TRMT1L: variants seen among roughly 807,000 people sequenced by gnomAD.
The protein encoded by TRMT1L is tRNA (guanine(27)-N(2))-dimethyltransferase.
In TRMT1L, 28 loss-of-function variants were observed where a neutral mutation model predicts 81.6. That is an observed-to-expected ratio of 0.34 (90% CI 0.25 to 0.47). TRMT1L has a LOEUF of 0.47. Ranked by LOEUF, TRMT1L falls within the 20% of genes least tolerant of loss-of-function variation. TRMT1L has a pLI of 1.00. For missense variants in TRMT1L, 739 were observed against 877.1 expected (o/e 0.84, Z 1.99); for synonymous variants, 301 against 303.2 (o/e 0.99, Z 0.07).
chr1:185,132,871 G>GAA, intron 10 of TRMT1L, among the ~76,000 whole-genome samples: 1 of 152,270 alleles, frequency 6.6e-6, no homozygotes, highest in Non-Finnish European at 1.5e-5. Context: ...AGTAAACAAG[G>GAA]AAAGTGGGAA....
At chr1:185,130,414 C>T (rs1226073032) in intron 10 of TRMT1L, among the ~76,000 whole-genome samples, 3 of 151,934 alleles carry the variant, frequency 2.0e-5, no homozygotes, top group African/African-American at 7.3e-5. Context: ...ATGAGAGATG[C>T]CAATAAAATT....
intron 8 of TRMT1L, 60 bp downstream of exon 8, chr1:185,139,913 C>A: frequency 6.5e-7 from 1 of 1,532,364 alleles, no homozygotes; most frequent in East Asian, 2.3e-5. Context: ...TTTAACTACT[C>A]CTCGTCCCCA....
At chr1:185,152,640 T>A (rs748143667) in intron 1 of TRMT1L, among the ~76,000 whole-genome samples, 1 of 151,752 alleles carries the variant, frequency 6.6e-6, no homozygotes, top group Non-Finnish European at 1.5e-5. Flanking sequence ...AAATTAGCAA[T>A]GGGAAGGGAC....
At chr1:185,153,711 G>T (rs943352257) in intron 1 of TRMT1L, among the ~76,000 whole-genome samples, 6 of 152,032 alleles carry the variant, frequency 3.9e-5, no homozygotes, top group Non-Finnish European at 8.8e-5. Context: ...CATTCCAAGA[G>T]AAAGGAACAA....
chr1:185,150,356 T>C (rs1365731474), intron 3 of TRMT1L, 23 bp downstream of exon 3: 1 of 1,540,982 alleles, frequency 6.5e-7, no homozygotes, highest in Non-Finnish European at 8.9e-7. Flanking sequence ...ATATTACTTC[T>C]TTGCAAGCAC....
At chr1:185,133,384 T>C (rs1020695722) in intron 10 of TRMT1L, among the ~76,000 whole-genome samples, 1 of 152,094 alleles carries the variant, frequency 6.6e-6, no homozygotes, top group Non-Finnish European at 1.5e-5. Flanking sequence ...ATCTGTACTG[T>C]AGCAGCCTTC....
At chr1:185,151,758 T>C in intron 2 of TRMT1L, 67 bp downstream of exon 2, 1 of 1,064,040 alleles carries the variant, frequency 9.4e-7, no homozygotes, top group Non-Finnish European at 1.3e-6. Flanking sequence ...CAAACTTATT[T>C]TTGTGAATTG....
intron 3 of TRMT1L, among the ~76,000 whole-genome samples, chr1:185,149,478 CT>C (rs958453943): frequency 1.3e-5 from 2 of 151,684 alleles, no homozygotes; most frequent in African/African-American, 4.8e-5. Context: ...AATTTTTTCA[CT>C]TTTTTATAGA....
At chr1:185,130,443 T>C (rs192450416) in intron 10 of TRMT1L, among the ~76,000 whole-genome samples, 97 of 152,244 alleles carry the variant, frequency 6.4e-4, no homozygotes, top group African/African-American at 2.3e-3. Flanking sequence ...AGGAGTCACA[T>C]ACACAATGGG....
In TRMT1L at chr1:185,151,827, G is replaced by A; in HGVS notation, c.344C>T (p.Ala115Val). Reference sequence around the variant, plus strand: ...AAAAAACCCAAACATGGAAATACCTGCATCAAGATTATCTGAGTTCAATGA... The same window carrying A: ...AAAAAACCCAAACATGGAAATACCTACATCAAGATTATCTGAGTTCAATGA... ...ASSLNSDNLD[A>V]GNRQACPLCP... The change falls in exon 2 of 15, where the codon GCA (alanine) becomes GTA (valine). Residue 115 changes from alanine (A) to valine (V), a missense_variant and splice_region_variant. Ala to Val is a moderately conservative substitution (Grantham distance 64). Transcript: ENST00000367506. 6.5e-7 allele frequency: 1 copy of A among 1,549,734 alleles called. No individual in the cohort carries two copies. The highest frequency in any genetic ancestry group is 8.7e-7 in the Non-Finnish European group (1 of 1,152,960).
intron 8 of TRMT1L, 79 bp downstream of exon 8, chr1:185,139,894 G>A (rs985848958): frequency 2.1e-6 from 3 of 1,456,000 alleles, no homozygotes; most frequent in African/African-American, 2.8e-5. Flanking sequence ...ACAAAAAACT[G>A]TCTTAATTTT....
At chr1:185,155,823 A>G (rs1363422806) in intron 1 of TRMT1L, among the ~76,000 whole-genome samples, 1 of 152,220 alleles carries the variant, frequency 6.6e-6, no homozygotes, top group Non-Finnish European at 1.5e-5. Context: ...ATGGGCCATT[A>G]ATTCTCAACA....
intron 10 of TRMT1L, among the ~76,000 whole-genome samples, chr1:185,129,552 C>T (rs1652719175): frequency 6.6e-6 from 1 of 152,148 alleles, no homozygotes; most frequent in Non-Finnish European, 1.5e-5. Context: ...CCAACTAATT[C>T]CCTCCACTCC....
chr1:185,149,515 G>A (rs1653284385), intron 3 of TRMT1L, among the ~76,000 whole-genome samples: 1 of 151,650 alleles, frequency 6.6e-6, no homozygotes, highest in South Asian at 2.1e-4. Flanking sequence ...TGTTGCTCAG[G>A]CTGGTCTTGA....
intron 10 of TRMT1L, among the ~76,000 whole-genome samples, chr1:185,133,853 ATGT>A (rs1052225067): frequency 1.3e-5 from 2 of 152,136 alleles, no homozygotes; most frequent in African/African-American, 4.8e-5. Context: ...GGGATAATAA[ATGT>A]TGTTTAAAGC....
Position 185,120,583 on chromosome 1 carries a change from T to C in TRMT1L, c.1823-74A>G, listed in dbSNP as rs1652475770. 6.2e-6 allele frequency: 8 copies of C among 1,288,652 alleles called. No individual in the cohort carries two copies. In the South Asian group the frequency reaches 1.7e-4, roughly 27 times the overall value. The allele number at this position is 1,288,652 out of a possible 1,614,324, so 79.8% of individuals were successfully genotyped here. On this transcript the variant is annotated intron_variant, in intron 13 of 14. Transcript: ENST00000367506. ...AAATACTTTTATAACTATATATTTA[T>C]CTCAAGTATAAATCCTGACACATTA...
chr1:185,123,945 GA>G, intron 12 of TRMT1L, 26 bp from the exon 13 acceptor site: 3 of 1,309,796 alleles, frequency 2.3e-6, no homozygotes, highest in South Asian at 1.4e-5. Context: ...AATGGGAAAA[GA>G]AAATATTTTA....
Position 185,145,517 on chromosome 1 carries a change from T to C in TRMT1L, c.577A>G (p.Ile193Val). The change falls in exon 5 of 15, where the codon ATC becomes GTC. Residue 193 changes from isoleucine (I) to valine (V), a missense_variant. Ile to Val is a conservative substitution (Grantham distance 29). Transcript: ENST00000367506. ...CCTAGCATATCAGTTCTTCTGGTGA[T>C]TGTTGCTGAACAAATGATACAATGA... ...HYHCIICSATITRRTDMLGHV... is the reference protein window; with the variant it reads ...HYHCIICSATVTRRTDMLGHV... 1 of 1,612,252 alleles carries C rather than the reference T, an allele frequency of 6.2e-7. No homozygotes were observed. The highest frequency in any genetic ancestry group is 2.2e-5 in the East Asian group (1 of 44,760).
intron 4 of TRMT1L, among the ~76,000 whole-genome samples, chr1:185,146,752 GT>G (rs1653197608): frequency 6.6e-6 from 1 of 151,992 alleles, no homozygotes; most frequent in Admixed American, 6.6e-5. Context: ...ATTTCTGAAA[GT>G]TTCTTGATTC....
Sources: allele counts gnomAD v4.1 joint callset (sites outside exome capture counted in the v4.1 genomes callset), GRCh38; gene constraint gnomAD v4.1.1; transcripts MANE v1.5; gene names NCBI Gene and HGNC (gene_info 2026-07-23, HGNC 2026-07-21).